The following RALGAPB variants were observed in gnomAD, a reference collection of about 807,000 sequenced individuals.
RALGAPB encodes Ral GTPase activating protein non-catalytic subunit beta, also known as ral GTPase-activating protein subunit beta.
Under a neutral mutation model 161.1 loss-of-function variants are expected in RALGAPB, and 25 were observed. The ratio of observed to expected loss-of-function variants is 0.16; its 90% CI spans 0.11 to 0.22. The LOEUF (loss-of-function observed/expected upper bound fraction) is 0.22. Among genes scored for constraint, RALGAPB ranks in the 10% least tolerant of loss-of-function variants. RALGAPB has a pLI of 1.00. For synonymous variants in RALGAPB, 629 were observed against 626.1 expected (o/e 1.00, Z -0.07); for missense variants, 1,391 against 1,815.2 (o/e 0.77, Z 4.25).
rs189299228 is a variant in RALGAPB, at chr20:38,522,239, G to T, written c.1619+541G>T. ...AAATGATTATGCTGGACTTATAAAG[G>T]ATGAGTAGCATTTAGCCTATGTTAG... On this transcript the variant is annotated intron_variant, in intron 10 of 29. Transcript: ENST00000262879. 3.3e-5 allele frequency among the ~76,000 whole-genome samples: 5 copies of T among 152,320 alleles called. No homozygotes were observed. In the East Asian group the frequency reaches 9.6e-4, roughly 29 times the overall value.
At chr20:38,566,959 A>AT in intron 25 of RALGAPB, 137 bp from the exon 26 acceptor site, 1 of 1,407,718 alleles carries the variant, frequency 7.1e-7, no homozygotes, top group East Asian at 2.5e-5. Context: ...TACAGAAAAA[A>AT]GTTTGTCAGC....
chr20:38,546,160 AGT>A (rs1568962079), intron 18 of RALGAPB, 81 bp from the exon 19 acceptor site: 24 of 1,588,558 alleles, frequency 1.5e-5, no homozygotes, highest in Non-Finnish European at 2.1e-5. Context: ...AATTCAGAAG[AGT>A]GGAAGGGGAC....
At chr20:38,507,654 G>A (rs1353699257) in intron 5 of RALGAPB, among the ~76,000 whole-genome samples, 1 of 151,928 alleles carries the variant, frequency 6.6e-6, no homozygotes, top group Non-Finnish European at 1.5e-5. Context: ...GCTGGGATTG[G>A]AGTGCAGGCG....
intron 18 of RALGAPB, among the ~76,000 whole-genome samples, chr20:38,543,970 C>T (rs1241088102): frequency 6.6e-6 from 1 of 152,200 alleles, no homozygotes; most frequent in East Asian, 1.9e-4. Context: ...TCTTTGCCAA[C>T]ACAGTGCTGA....
At chr20:38,489,556 A>G (rs1422992500) in intron 2 of RALGAPB, among the ~76,000 whole-genome samples, 1 of 152,174 alleles carries the variant, frequency 6.6e-6, no homozygotes. Context: ...TTGCTAGTAT[A>G]AATTCTGGCT....
chr20:38,533,697 G>A (rs953049166), intron 15 of RALGAPB, among the ~76,000 whole-genome samples: 5 of 152,144 alleles, frequency 3.3e-5, no homozygotes, highest in African/African-American at 1.2e-4. Context: ...TATACATAAA[G>A]CCATTATGTG....
At position 38,551,094 on chromosome 20, in the gene RALGAPB, A is replaced by G. The variant is rs1171746591; in HGVS notation, c.3033A>G (p.Pro1011=). The part of the protein sequence containing the change: ...NQKLFVPEPR[P]VPKNDVGFKY... ...AGCTTTTTGTACCTGAACCTCGCCC[A>G]GTTCCTAAAAATGACGTTGGATTTA... The change falls in exon 21 of 30, where the codon CCA becomes CCG. Residue 1011 remains proline, a synonymous_variant. Coordinates refer to ENST00000262879, the MANE Select transcript of RALGAPB (RefSeq NM_020336.4). The G allele has an allele frequency of 6.2e-7, 1 of 1,613,976 alleles. No homozygotes were observed. Among genetic ancestry groups the G allele is most frequent in the Admixed American group, 1.7e-5 (1 of 60,008 alleles).
chr20:38,524,843 G>A lies in RALGAPB; in HGVS notation c.1685G>A (p.Ser562Asn). The change falls in exon 11 of 30, where the codon AGC becomes AAC. Residue 562 changes from serine to asparagine, a missense_variant. Physicochemically the swap from Ser to Asn is conservative, Grantham distance 46. Coordinates refer to ENST00000262879, the MANE Select transcript of RALGAPB (RefSeq NM_020336.4). ...TATGTGTGCCATCCTGTCTTGGCCA[G>A]CGTTATTCTAAACTCTCCTCCTTTG... ...NDYVCHPVLA[S>N]VILNSPPLFC... 1 of 1,605,324 alleles carries A rather than the reference G, an allele frequency of 6.2e-7. No individual in the cohort carries two copies. The highest frequency in any genetic ancestry group is 1.1e-5 in the South Asian group (1 of 90,888).
chr20:38,494,376 A>G (rs1312180389), intron 3 of RALGAPB, among the ~76,000 whole-genome samples: 1 of 152,244 alleles, frequency 6.6e-6, no homozygotes, highest in Non-Finnish European at 1.5e-5. Context: ...CACGCCTGTA[A>G]TCCCAGCATG....
Position 38,482,171 on chromosome 20 carries a change from TAGAA to T in RALGAPB, c.-30-6231_-30-6228del, listed in dbSNP as rs533173578. 1.8e-3 allele frequency among the ~76,000 whole-genome samples: 274 copies of T among 152,254 alleles called. 2 individuals carry two copies. The highest frequency in any genetic ancestry group is 3.2e-3 in the Non-Finnish European group (216 of 68,024). On this transcript the variant is annotated intron_variant, in intron 1 of 29. Transcript: ENST00000262879. ...GAGAAAAGAAAATGTTATTAAGAAT[TAGAA>T]GGAAGAGAAAATGTATTTACTATTC...
chr20:38,515,780 G>A (rs1396326264), intron 6 of RALGAPB, among the ~76,000 whole-genome samples: 1 of 151,388 alleles, frequency 6.6e-6, no homozygotes, highest in African/African-American at 2.4e-5. Context: ...TGCTCAGGCT[G>A]GAATGCATTG....
intron 1 of RALGAPB, among the ~76,000 whole-genome samples, chr20:38,474,333 A>G (rs1302701367): frequency 6.6e-6 from 1 of 151,928 alleles, no homozygotes; most frequent in Admixed American, 6.6e-5. Context: ...TCTGTTGCCC[A>G]GGCTGGAATG....
At chr20:38,505,333 C>G (rs369268871) in intron 5 of RALGAPB, among the ~76,000 whole-genome samples, 2 of 152,162 alleles carry the variant, frequency 1.3e-5, no homozygotes, top group Non-Finnish European at 1.5e-5. Context: ...GAACAGAAAA[C>G]CAAGTATCAC....
chr20:38,530,888 G>GC (rs1439969811), intron 13 of RALGAPB, among the ~76,000 whole-genome samples: 1 of 101,156 alleles, frequency 9.9e-6, no homozygotes, highest in Non-Finnish European at 2.3e-5. Flanking sequence ...ACTGTGCCTG[G>GC]CCATTTTTTT....
At chr20:38,546,470 C>T (rs1333394458) in intron 19 of RALGAPB, 40 bp downstream of exon 19, 4 of 1,610,202 alleles carry the variant, frequency 2.5e-6, no homozygotes, top group Non-Finnish European at 3.4e-6. Context: ...ACTGCTTAAT[C>T]AGTGTTACCA....
intron 18 of RALGAPB, among the ~76,000 whole-genome samples, chr20:38,543,119 G>A (rs990159042): frequency 6.6e-6 from 1 of 152,080 alleles, no homozygotes; most frequent in African/African-American, 2.4e-5. Flanking sequence ...CATCTGTTTC[G>A]CTTCAGCTGT....
At chr20:38,532,644 T>A in intron 14 of RALGAPB, 86 bp from the exon 15 acceptor site, 3 of 1,515,132 alleles carry the variant, frequency 2.0e-6, no homozygotes, top group Non-Finnish European at 2.7e-6. Flanking sequence ...CATTCTGCTT[T>A]ATCAACATGG....
In RALGAPB at chr20:38,531,244, C is replaced by T. The variant is rs368885002; in HGVS notation, c.2115+13C>T. 177 of 1,572,334 alleles carry T rather than the reference C, an allele frequency of 1.1e-4. No homozygotes were observed. The highest frequency in any genetic ancestry group is 5.7e-4 in the Admixed American group (34 of 59,680). On this transcript the variant is annotated intron_variant, in intron 14 of 29. Coordinates refer to ENST00000262879, the MANE Select transcript of RALGAPB (RefSeq NM_020336.4). ...CCAGATGGAGATGGTAAGAAGCATACATGCAATCTGTCAGAGAATATCACT... is the reference window on the plus strand; with the variant it reads ...CCAGATGGAGATGGTAAGAAGCATATATGCAATCTGTCAGAGAATATCACT...
At chr20:38,484,549 TTTTTG>T (rs562218345) in intron 1 of RALGAPB, among the ~76,000 whole-genome samples, 163 of 152,258 alleles carry the variant, frequency 1.1e-3, no homozygotes, top group African/African-American at 3.6e-3. Flanking sequence ...TTTGTTTTTG[TTTTTG>T]TTTTATTTTG....
Sources: allele counts gnomAD v4.1 joint callset (sites outside exome capture counted in the v4.1 genomes callset), GRCh38; gene constraint gnomAD v4.1.1; transcripts MANE v1.5; gene names NCBI Gene and HGNC (gene_info 2026-07-23, HGNC 2026-07-21).